The following DLG1 variants were observed in gnomAD, a reference collection of about 807,000 sequenced individuals.
DLG1 encodes the protein disks large homolog 1.
In DLG1, 42 loss-of-function variants were observed where a neutral mutation model predicts 123.4. The observed-to-expected ratio is 0.34, with a 90% CI of 0.27 to 0.44. DLG1 has a LOEUF of 0.44. DLG1 is among the 20% of genes least tolerant of loss of function. The pLI, the probability that DLG1 is intolerant of heterozygous loss-of-function variation, is 1.00. For synonymous variants in DLG1, 317 were observed against 356.2 expected, an observed-to-expected ratio of 0.89 and a Z score of 1.24; for missense variants, 942 against 1,082.6, an observed-to-expected ratio of 0.87 and a Z score of 1.82.
chr3:197,236,207 G>T (rs1745868208), intron 4 of DLG1, among the ~76,000 whole-genome samples: 1 of 152,032 alleles, frequency 6.6e-6, no homozygotes, highest in South Asian at 2.1e-4. Flanking sequence ...CAGCTACTTG[G>T]GAGGCTGAAG....
At chr3:197,097,863 A>G (rs1761512199) in intron 14 of DLG1, among the ~76,000 whole-genome samples, 1 of 151,858 alleles carries the variant, frequency 6.6e-6, no homozygotes, top group Admixed American at 6.6e-5. Flanking sequence ...TATAGGCGTG[A>G]GCCACCGCGC....
At chr3:197,117,831 A>T (rs1179835500) in intron 12 of DLG1, among the ~76,000 whole-genome samples, 3 of 152,170 alleles carry the variant, frequency 2.0e-5, no homozygotes, top group Non-Finnish European at 4.4e-5. Flanking sequence ...TGTTATATAT[A>T]TTTCGCTACA....
chr3:197,296,505 A>G (rs375068295), intron 2 of DLG1, 28 bp from the exon 3 acceptor site: 2 of 1,608,020 alleles, frequency 1.2e-6, no homozygotes, highest in Non-Finnish European at 1.7e-6. Flanking sequence ...AGCCTGATTA[A>G]AACTCTCTAT....
At chr3:197,066,028 T>C (rs1030431246) in intron 20 of DLG1, among the ~76,000 whole-genome samples, 6 of 152,240 alleles carry the variant, frequency 3.9e-5, no homozygotes, top group African/African-American at 1.4e-4. Context: ...GTCATATTGA[T>C]AATTCAATCA....
intron 14 of DLG1, among the ~76,000 whole-genome samples, 154 bp from the exon 15 acceptor site, chr3:197,091,180 T>C (rs1401096572): frequency 2.0e-5 from 3 of 151,896 alleles, no homozygotes; most frequent in Non-Finnish European, 4.4e-5. Context: ...AACACATAAA[T>C]TTCAAAAAAA....
At chr3:197,114,233 C>G (rs957901060) in intron 13 of DLG1, among the ~76,000 whole-genome samples, 2 of 152,152 alleles carry the variant, frequency 1.3e-5, no homozygotes, top group African/African-American at 4.8e-5. Flanking sequence ...CATGACTCCT[C>G]TGACTCAGTA....
chr3:197,171,396 T>C (rs1804123781), intron 5 of DLG1, among the ~76,000 whole-genome samples: 1 of 152,174 alleles, frequency 6.6e-6, no homozygotes. Context: ...CAACAATATG[T>C]TATTTGAACC....
intron 4 of DLG1, among the ~76,000 whole-genome samples, chr3:197,201,812 A>C (rs1725887924): frequency 6.6e-6 from 1 of 152,096 alleles, no homozygotes; most frequent in South Asian, 2.1e-4. Context: ...CAGAAGCAGA[A>C]AAAAAAATCC....
intron 18 of DLG1, among the ~76,000 whole-genome samples, chr3:197,071,679 T>C (rs1374189601): frequency 1.3e-5 from 2 of 152,268 alleles, no homozygotes; most frequent in South Asian, 2.1e-4. Flanking sequence ...CCAATAAACA[T>C]ATAGAAAAGT....
chr3:197,098,696 G>C (rs1761950050), intron 14 of DLG1, among the ~76,000 whole-genome samples: 1 of 152,086 alleles, frequency 6.6e-6, no homozygotes, highest in South Asian at 2.1e-4. Flanking sequence ...CACCATGCCT[G>C]TTTAATTTTT....
intron 6 of DLG1, 49 bp from the exon 7 acceptor site, chr3:197,142,817 A>G (rs7628652): frequency 1 from 1,547,194 of 1,548,438 alleles, 772,982 homozygotes; most frequent in Middle Eastern, 1. Flanking sequence ...TGTAAAATCC[A>G]AAATGGCAAG....
In DLG1 at chr3:197,256,324, G is replaced by A. The variant is rs115876421; in HGVS notation, c.318+26355C>T. On this transcript the variant is annotated intron_variant, in intron 4 of 24. Transcript: ENST00000667157. Reference sequence around the variant, plus strand: ...GCAGCCATACAAGGTAAGTAAATGAGTGAGTGTGGCCCAATTTGGCCCACT... The same window carrying A: ...GCAGCCATACAAGGTAAGTAAATGAATGAGTGTGGCCCAATTTGGCCCACT... Among the ~76,000 whole-genome samples the A allele has an allele frequency of 8.4e-3, 1,287 of 152,374 alleles. 18 individuals are homozygous for A. Among genetic ancestry groups the A allele is most frequent in the African/African-American group, 0.029 (1,219 of 41,586 alleles).
chr3:197,140,293 T>C (rs1787316718), intron 7 of DLG1, 29 bp from the exon 8 acceptor site: 1 of 1,607,490 alleles, frequency 6.2e-7, no homozygotes, highest in African/African-American at 1.3e-5. Flanking sequence ...AAATTGAGAC[T>C]GAATATGATT....
At chr3:197,248,840 C>A (rs1317936181) in intron 4 of DLG1, among the ~76,000 whole-genome samples, 2 of 152,154 alleles carry the variant, frequency 1.3e-5, no homozygotes, top group African/African-American at 2.4e-5. Context: ...TACTTATATA[C>A]TAGAACAAAA....
chr3:197,297,535 A>C (rs1579638410), intron 1 of DLG1: 1 of 1,140,958 alleles, frequency 8.8e-7, no homozygotes, highest in Non-Finnish European at 1.1e-6. Context: ...AAGTATCCAC[A>C]CTCCCCACCT....
chr3:197,205,406 T>C (rs528430835), intron 4 of DLG1, among the ~76,000 whole-genome samples: 3 of 151,920 alleles, frequency 2.0e-5, no homozygotes, highest in Non-Finnish European at 4.4e-5. Context: ...AAACAAAACA[T>C]TAGCAAAAGA....
chr3:197,194,385 A>G (rs1721318033), intron 5 of DLG1, 40 bp downstream of exon 5: 8 of 1,358,896 alleles, frequency 5.9e-6, no homozygotes, highest in African/African-American at 1.5e-5. Context: ...AACAAAAGTA[A>G]TATGTAATTC....
intron 5 of DLG1, among the ~76,000 whole-genome samples, chr3:197,177,176 G>A (rs1807569336): frequency 1.3e-5 from 2 of 152,032 alleles, no homozygotes; most frequent in Admixed American, 6.6e-5. Context: ...TATTAATTTC[G>A]CAAAGTTAGT....
At chr3:197,258,502 T>C (rs570537276) in intron 4 of DLG1, among the ~76,000 whole-genome samples, 1 of 152,258 alleles carries the variant, frequency 6.6e-6, no homozygotes, top group Non-Finnish European at 1.5e-5. Context: ...CTTAAGGGTA[T>C]CCATGGTAGC....
Sources: allele counts gnomAD v4.1 joint callset (sites outside exome capture counted in the v4.1 genomes callset), GRCh38; gene constraint gnomAD v4.1.1; transcripts MANE v1.5; gene names NCBI Gene and HGNC (gene_info 2026-07-23, HGNC 2026-07-21).